The following RIGI variants were observed in gnomAD, a reference collection of about 807,000 sequenced individuals.
The protein encoded by RIGI is antiviral innate immune response receptor RIG-I.
the RIGI span, chr9:32,488,663 AAAAC>A: frequency 7.0e-7 from 1 of 1,428,514 alleles, no homozygotes; most frequent in East Asian, 2.4e-5. Context: ...TCATTTGTCA[AAAAC>A]AAAACAGAAA....
the RIGI span, chr9:32,526,174 T>G: frequency 0.011 from 17,169 of 1,609,716 alleles, 139 homozygotes; most frequent in Non-Finnish European, 0.013. Context: ...CATGCCGGCC[T>G]CTGCTTGCAG....
the RIGI span, chr9:32,459,519 T>C: frequency 2.5e-6 from 4 of 1,601,224 alleles, no homozygotes; most frequent in Non-Finnish European, 3.4e-6. Flanking sequence ...CAGAATCTAA[T>C]GCAAAAAGAA....
the RIGI span, among the ~76,000 whole-genome samples, chr9:32,503,132 C>G: frequency 2.0e-5 from 3 of 152,112 alleles, no homozygotes; most frequent in African/African-American, 7.2e-5. Context: ...CCATTCCTTA[C>G]AGCTGTACTT....
chr9:32,471,802 G>A, the RIGI span, among the ~76,000 whole-genome samples: 20 of 152,190 alleles, frequency 1.3e-4, no homozygotes, highest in Non-Finnish European at 2.2e-4. Flanking sequence ...TCAGATCGCA[G>A]AGAACTTTGA....
At chr9:32,523,650 C>T in the RIGI span, among the ~76,000 whole-genome samples, 1 of 152,132 alleles carries the variant, frequency 6.6e-6, no homozygotes, top group African/African-American at 2.4e-5. Context: ...TCCTATTTTC[C>T]TAACTGGTAT....
At chr9:32,481,913 G>A in the RIGI span, among the ~76,000 whole-genome samples, 253 of 152,230 alleles carry the variant, frequency 1.7e-3, no homozygotes, top group African/African-American at 5.7e-3. Flanking sequence ...TCTGCAAACA[G>A]GATATTCCTC....
chr9:32,478,430 T>C, the RIGI span, among the ~76,000 whole-genome samples: 1 of 152,346 alleles, frequency 6.6e-6, no homozygotes, highest in East Asian at 1.9e-4. Flanking sequence ...AGAAATACTA[T>C]AGAATGATGT....
chr9:32,505,009 T>C, the RIGI span, among the ~76,000 whole-genome samples: 2 of 131,874 alleles, frequency 1.5e-5, no homozygotes, highest in African/African-American at 5.3e-5. Context: ...AATATATATG[T>C]TTAAATATAT....
chr9:32,457,470 C>T, the RIGI span: 3 of 1,100,746 alleles, frequency 2.7e-6, no homozygotes, highest in Non-Finnish European at 3.8e-6. Context: ...AGAACCAGTA[C>T]ATAATTGTGA....
the RIGI span, chr9:32,455,883 T>C: frequency 6.6e-6 from 1 of 152,178 alleles, no homozygotes; most frequent in African/African-American, 2.4e-5. Flanking sequence ...AAAGAGAAGT[T>C]ATATAACTGG....
chr9:32,479,296 C>A, the RIGI span, among the ~76,000 whole-genome samples: 1 of 152,032 alleles, frequency 6.6e-6, no homozygotes, highest in Non-Finnish European at 1.5e-5. Flanking sequence ...AGCTTATGTA[C>A]ATATATATGC....
At chr9:32,457,303 C>T in the RIGI span, 91 of 1,613,954 alleles carry the variant, frequency 5.6e-5, no homozygotes, top group Middle Eastern at 1.6e-4. Context: ...GCAGTTCTGT[C>T]GGGCACAGAA....
chr9:32,524,596 G>GTTTCTTTTTTTTTT, the RIGI span, among the ~76,000 whole-genome samples: 3 of 67,580 alleles, frequency 4.4e-5, no homozygotes, highest in Non-Finnish European at 8.3e-5. Context: ...TTGTTTTTCG[G>GTTTCTTTTTTTTTT]TTTTTTTTTT....
the RIGI span, chr9:32,526,187 A>G: frequency 6.3e-7 from 1 of 1,599,076 alleles, no homozygotes; most frequent in Non-Finnish European, 8.5e-7. Flanking sequence ...GCTTGCAGCT[A>G]GCTACGTTCC....
chr9:32,471,735 G>A, the RIGI span, among the ~76,000 whole-genome samples: 1 of 152,138 alleles, frequency 6.6e-6, no homozygotes, highest in Non-Finnish European at 1.5e-5. Context: ...TATTTCCTGA[G>A]TGTCTACTTG....
the RIGI span, among the ~76,000 whole-genome samples, chr9:32,476,514 GAAA>G: frequency 1.4e-4 from 21 of 147,572 alleles, no homozygotes; most frequent in Non-Finnish European, 3.1e-4. Flanking sequence ...CTAAGTGGGG[GAAA>G]AAAAAACAAC....
the RIGI span, among the ~76,000 whole-genome samples, chr9:32,492,692 C>G: frequency 6.6e-6 from 1 of 152,192 alleles, no homozygotes; most frequent in Non-Finnish European, 1.5e-5. Flanking sequence ...TTTGCCCCAT[C>G]CAACACAGTC....
chr9:32,508,733 G>A, the RIGI span, among the ~76,000 whole-genome samples: 2 of 152,146 alleles, frequency 1.3e-5, no homozygotes, highest in South Asian at 4.2e-4. Context: ...GTGACACCTG[G>A]AATGCCAGCA....
the RIGI span, among the ~76,000 whole-genome samples, chr9:32,521,879 T>C: frequency 6.6e-6 from 1 of 152,224 alleles, no homozygotes; most frequent in African/African-American, 2.4e-5. Context: ...ACTGTGTCTT[T>C]ATGGCTCTCC....
Sources: gnomAD v4.1 joint callset for allele counts (sites outside exome capture counted in the v4.1 genomes callset) on GRCh38, gnomAD v4.1.1 for gene constraint, MANE v1.5 for transcripts, NCBI Gene and HGNC (gene_info 2026-07-23, HGNC 2026-07-21) for gene names.